The following WDR49 variants were observed in gnomAD, a reference collection of about 807,000 sequenced individuals.
The protein encoded by WDR49 is WD repeat domain 49, also known as cilia- and flagella-associated protein 337.
Under a neutral mutation model 119.5 loss-of-function variants are expected in WDR49, and 107 were observed. The ratio of observed to expected loss-of-function variants is 0.90; its 90% CI spans 0.77 to 1.05. WDR49 has a LOEUF of 1.05. WDR49 is among the 50% of genes least tolerant of loss of function. The pLI is 0.00. For missense variants in WDR49, 1,240 were observed against 1,220.5 expected (o/e 1.02, Z -0.24); for synonymous variants, 425 against 418.8 (o/e 1.01, Z -0.18).
chr3:167,539,771 T>G (rs1711672813), intron 10 of WDR49, among the ~76,000 whole-genome samples: 1 of 152,178 alleles, frequency 6.6e-6, no homozygotes, highest in Non-Finnish European at 1.5e-5. Context: ...TCTCACTCTA[T>G]TTCATTTTTT....
intron 18 of WDR49, among the ~76,000 whole-genome samples, chr3:167,493,440 TGTGG>T (rs1286193291): frequency 6.6e-6 from 1 of 152,224 alleles, no homozygotes; most frequent in Non-Finnish European, 1.5e-5. Flanking sequence ...AGCACCTCCC[TGTGG>T]ATAGTTTCTC....
At chr3:167,524,862 T>C (rs1752578226) in intron 15 of WDR49, among the ~76,000 whole-genome samples, 1 of 152,188 alleles carries the variant, frequency 6.6e-6, no homozygotes, top group Admixed American at 6.5e-5. Context: ...TTTGTTCTTT[T>C]TGCTTAGGAT....
chr3:167,569,933 A>T (rs1713836214), intron 8 of WDR49, among the ~76,000 whole-genome samples: 1 of 152,170 alleles, frequency 6.6e-6, no homozygotes, highest in Non-Finnish European at 1.5e-5. Context: ...TAAACACGTT[A>T]TTTCTTCCAA....
At chr3:167,640,157 T>C (rs2108339191) in intron 2 of WDR49, among the ~76,000 whole-genome samples, 1 of 151,922 alleles carries the variant, frequency 6.6e-6, no homozygotes, top group South Asian at 2.1e-4. Context: ...GTCCTCAATG[T>C]TTTTGCACCC....
intron 3 of WDR49, among the ~76,000 whole-genome samples, chr3:167,625,923 C>CA (rs755478227): frequency 0.12 from 9,173 of 77,028 alleles, 693 homozygotes; most frequent in African/African-American, 0.28. Flanking sequence ...CCAAAATTTG[C>CA]AAAAAAAAAA....
At chr3:167,600,339 A>T (rs1171111305) in intron 7 of WDR49, among the ~76,000 whole-genome samples, 1 of 152,086 alleles carries the variant, frequency 6.6e-6, no homozygotes, top group Non-Finnish European at 1.5e-5. Context: ...TAGGAGTTGC[A>T]GTCCTTGTGG....
chr3:167,478,696 T>C lies in WDR49; in HGVS notation c.*182A>G, dbSNP rs1750569168. ...ATGTTGCTCCCACTTTAGTTCAATA[T>C]TTATTTTATTAAGAATACAGAGAAA... On this transcript the variant is annotated 3_prime_UTR_variant, in exon 19 of 19. Transcript: ENST00000682715. The C allele has an allele frequency of 7.6e-6, 3 of 392,512 alleles. No homozygotes were observed. The highest frequency in any genetic ancestry group is 1.3e-5 in the Non-Finnish European group (3 of 223,900). 24.3% of individuals were successfully genotyped at this position (392,512 alleles called of 1,614,324 possible).
chr3:167,500,417 C>T, intron 17 of WDR49, 118 bp from the exon 18 acceptor site: 1 of 1,239,742 alleles, frequency 8.1e-7, no homozygotes, highest in Non-Finnish European at 1.1e-6. Flanking sequence ...CTTCCTGTTA[C>T]TCAGCTGGTA....
chr3:167,537,573 T>G (rs1256124777), intron 10 of WDR49, among the ~76,000 whole-genome samples: 1 of 152,114 alleles, frequency 6.6e-6, no homozygotes, highest in African/African-American at 2.4e-5. Context: ...AAGTAGGACA[T>G]AGGACAGATA....
intron 7 of WDR49, among the ~76,000 whole-genome samples, chr3:167,587,885 C>T (rs558511050): frequency 2.6e-5 from 4 of 152,102 alleles, no homozygotes; most frequent in South Asian, 2.1e-4. Flanking sequence ...ATATACATTG[C>T]GTAATAATCA....
chr3:167,606,141 C>G (rs751241782), intron 5 of WDR49, among the ~76,000 whole-genome samples: 1 of 152,158 alleles, frequency 6.6e-6, no homozygotes, highest in Non-Finnish European at 1.5e-5. Context: ...AGTAGCAAAG[C>G]ACTAGAATGC....
In WDR49 at chr3:167,621,618, TCTTTA is replaced by T. The variant is rs1339636643; in HGVS notation, c.627_631del (p.Ser209ArgfsTer6). The T allele has an allele frequency of 5.2e-6, 8 of 1,533,254 alleles. No individual in the cohort carries two copies. The highest frequency in any genetic ancestry group is 8.7e-7 in the Non-Finnish European group (1 of 1,145,614). 95.0% of individuals were successfully genotyped at this position (1,533,254 alleles called of 1,614,324 possible). On this transcript the variant is annotated frameshift_variant, in exon 4 of 19. Transcript: ENST00000682715. LOFTEE classifies it high-confidence loss of function. ...GGACAGCAGATCATAGAAACAAACC[TCTTTA>T]CTTGTAAAAGCCACTGCTATCTAAA...
At position 167,500,189 on chromosome 3, in the gene WDR49, G is replaced by C; in HGVS notation, c.2995C>G (p.Arg999Gly). The C allele has an allele frequency of 1.3e-6, 2 of 1,578,474 alleles. No homozygotes were observed. The highest frequency in any genetic ancestry group is 2.4e-5 in the South Asian group (2 of 84,402). ...GACGGGGCCTCCAGAATTTGGGGAC[G>C]CTCTTCCTCTGGTTCTTTCCTAAAG... ...KYFRKEPEEE[R>G]PQILEAPSLF... is the part of the protein sequence containing the mutation. Residue 999 changes from arginine to glycine, a missense_variant, in exon 18 of 19, where the codon CGT (arginine) becomes GGT (glycine). Coordinates refer to ENST00000682715, the MANE Select transcript of WDR49 (RefSeq NM_001366157.1).
chr3:167,643,281 T>C (rs1717966639), intron 2 of WDR49, among the ~76,000 whole-genome samples: 1 of 152,106 alleles, frequency 6.6e-6, no homozygotes, highest in Non-Finnish European at 1.5e-5. Flanking sequence ...GGACTCTCGA[T>C]GCCTTACAAG....
intron 7 of WDR49, among the ~76,000 whole-genome samples, chr3:167,597,070 T>G (rs1055605764): frequency 1.3e-5 from 2 of 151,996 alleles, no homozygotes; most frequent in African/African-American, 4.8e-5. Flanking sequence ...GGAAAATGTC[T>G]CCAGGGCATT....
intron 18 of WDR49, among the ~76,000 whole-genome samples, chr3:167,492,721 G>C (rs1281271385): frequency 6.6e-6 from 1 of 152,126 alleles, no homozygotes; most frequent in African/African-American, 2.4e-5. Flanking sequence ...AAGCTAGCAA[G>C]TAGTAGAACC....
chr3:167,488,169 C>G (rs1289380661), intron 18 of WDR49, among the ~76,000 whole-genome samples: 1 of 151,034 alleles, frequency 6.6e-6, no homozygotes, highest in Non-Finnish European at 1.5e-5. Context: ...CACACACACA[C>G]ACACACACAC....
rs140573580 is a variant in WDR49 at position 167,516,428 on chromosome 3, C to T, written c.2774+5887G>A. On this transcript the variant is annotated intron_variant, in intron 16 of 18. Coordinates refer to ENST00000682715, the MANE Select transcript of WDR49 (RefSeq NM_001366157.1). ...TCCATGTCCCTACAAAGGACATGAACGCATCATTTTTTATGGCTGCATAGT... is the reference window on the plus strand; with the variant it reads ...TCCATGTCCCTACAAAGGACATGAATGCATCATTTTTTATGGCTGCATAGT... Among the ~76,000 whole-genome samples the T allele has an allele frequency of 6.5e-3, 996 of 152,090 alleles. 13 individuals are homozygous for T. Among genetic ancestry groups the T allele is most frequent in the African/African-American group, 0.022 (906 of 41,452 alleles).
intron 18 of WDR49, among the ~76,000 whole-genome samples, chr3:167,480,591 T>C (rs1255956671): frequency 1.3e-5 from 2 of 152,218 alleles, no homozygotes; most frequent in African/African-American, 2.4e-5. Context: ...ATGGAAATTA[T>C]ATGAAAGCAA....
Sources: allele counts gnomAD v4.1 joint callset (sites outside exome capture counted in the v4.1 genomes callset), GRCh38; gene constraint gnomAD v4.1.1; transcripts MANE v1.5; gene names NCBI Gene and HGNC (gene_info 2026-07-23, HGNC 2026-07-21).